Variants in CEP85L observed in about 807,000 individuals in gnomAD.
CEP85L encodes centrosomal protein of 85 kDa-like.
In CEP85L, 60 loss-of-function variants were observed where a neutral mutation model predicts 100.3. The observed-to-expected ratio is 0.60, with a 90% CI of 0.49 to 0.74. The LOEUF (loss-of-function observed/expected upper bound fraction) is 0.74, where lower values mean the gene tolerates loss of function less well. CEP85L is among the 30% of genes least tolerant of loss of function. The probability of loss-of-function intolerance (pLI) is 0.00; values close to 1 mark genes in which losing one functional copy is unlikely to be tolerated. For missense variants in CEP85L, 973 were observed against 936.2 expected (o/e 1.04, Z -0.51); for synonymous variants, 319 against 322.7 (o/e 0.99, Z 0.12).
At chr6:118,514,438 T>C (rs1776145213) in intron 4 of CEP85L, among the ~76,000 whole-genome samples, 1 of 147,766 alleles carries the variant, frequency 6.8e-6, no homozygotes. Context: ...GGCAGGAGAA[T>C]GGCTTGAACC....
At chr6:118,662,565 T>G (rs189911727) in intron 1 of CEP85L, among the ~76,000 whole-genome samples, 1 of 151,938 alleles carries the variant, frequency 6.6e-6, no homozygotes, top group Admixed American at 6.6e-5. Context: ...GTATGAGTTA[T>G]TATTATCTCC....
At chr6:118,702,944 C>T (rs1286891319) in intron 1 of CEP85L, among the ~76,000 whole-genome samples, 1 of 146,428 alleles carries the variant, frequency 6.8e-6, no homozygotes, top group Non-Finnish European at 1.5e-5. Context: ...TGCAGTGAGC[C>T]GAGATGGCTC....
intron 1 of CEP85L, among the ~76,000 whole-genome samples, chr6:118,692,197 A>G (rs1017891497): frequency 1.3e-5 from 2 of 152,178 alleles, no homozygotes; most frequent in South Asian, 2.1e-4. Context: ...GAGCCCTGCA[A>G]TGGGTTAAAA....
At chr6:118,674,572 C>T (rs1262191473) in intron 1 of CEP85L, among the ~76,000 whole-genome samples, 1 of 150,742 alleles carries the variant, frequency 6.6e-6, no homozygotes, top group African/African-American at 2.4e-5. Flanking sequence ...AAAATATTTG[C>T]AAATCAAATA....
chr6:118,514,524 CAAAAAAAAA>C (rs561316113), intron 4 of CEP85L, among the ~76,000 whole-genome samples: 15 of 87,526 alleles, frequency 1.7e-4, no homozygotes, highest in African/African-American at 5.3e-4. Context: ...GACACTGTCT[CAAAAAAAAA>C]AAAAAAAAAA....
intron 2 of CEP85L, among the ~76,000 whole-genome samples, chr6:118,608,797 T>C (rs377467876): frequency 3.6e-4 from 55 of 152,348 alleles, no homozygotes; most frequent in Admixed American, 6.5e-4. Context: ...TTTTGCCAAA[T>C]AGTGGAACAG....
chr6:118,590,798 C>T lies in CEP85L; in HGVS notation c.233-24482G>A, dbSNP rs1781145324. Among the ~76,000 whole-genome samples the T allele has an allele frequency of 2.0e-5, 3 of 152,136 alleles. No individual in the cohort carries two copies. In the South Asian group the frequency reaches 6.2e-4, roughly 32 times the overall value. ...TAGAACATCACTACCCTCCTCTCTC[C>T]CCAGATGTGACTACTGAGGCCAGTT... On this transcript the variant is annotated intron_variant, in intron 2 of 12. Transcript: ENST00000368491.
At chr6:118,707,709 G>A (rs543894047) in intron 1 of CEP85L, among the ~76,000 whole-genome samples, 52 of 152,198 alleles carry the variant, frequency 3.4e-4, no homozygotes, top group Non-Finnish European at 6.5e-4. Flanking sequence ...AGGTATAGGA[G>A]TTTTATACTT....
intron 5 of CEP85L, among the ~76,000 whole-genome samples, chr6:118,495,513 G>T (rs1331526996): frequency 6.6e-6 from 1 of 152,140 alleles, no homozygotes; most frequent in East Asian, 1.9e-4. Flanking sequence ...ATATGAAGAA[G>T]GATGTGTTTG....
At chr6:118,679,288 C>T (rs1583252561) in intron 1 of CEP85L, among the ~76,000 whole-genome samples, 1 of 151,978 alleles carries the variant, frequency 6.6e-6, no homozygotes, top group South Asian at 2.1e-4. Context: ...TTCTTAGCAC[C>T]TAAAGAGACC....
intron 6 of CEP85L, among the ~76,000 whole-genome samples, chr6:118,486,063 A>G (rs1445301695): frequency 1.3e-5 from 2 of 152,102 alleles, no homozygotes; most frequent in Non-Finnish European, 2.9e-5. Context: ...ATTGCTGCCA[A>G]CACTCTCCTA....
upstream of CEP85L, chr6:118,652,516 C>A: frequency 7.3e-7 from 1 of 1,378,114 alleles, no homozygotes; most frequent in Non-Finnish European, 9.4e-7. Flanking sequence ...GCCCATCACT[C>A]AGAGGTAAGT....
chr6:118,697,566 T>C (rs1294821936), intron 1 of CEP85L, among the ~76,000 whole-genome samples: 3 of 152,220 alleles, frequency 2.0e-5, no homozygotes, highest in African/African-American at 7.2e-5. Context: ...CTTTTAGTGA[T>C]GCCAGCTTAC....
chr6:118,572,187 T>G (rs1779931589), intron 2 of CEP85L, among the ~76,000 whole-genome samples: 2 of 151,258 alleles, frequency 1.3e-5, no homozygotes, highest in Middle Eastern at 3.4e-3. Context: ...CACAATGAGT[T>G]TTTTTTCCCT....
At chr6:118,630,292 C>T (rs182433628) in intron 2 of CEP85L, among the ~76,000 whole-genome samples, 185 of 152,292 alleles carry the variant, frequency 1.2e-3, no homozygotes, top group African/African-American at 4.3e-3. Context: ...TAAACCCTCA[C>T]CTTACTGGAC....
At chr6:118,540,206 T>C (rs1355855403) in intron 3 of CEP85L, among the ~76,000 whole-genome samples, 1 of 152,122 alleles carries the variant, frequency 6.6e-6, no homozygotes, top group African/African-American at 2.4e-5. Context: ...ACAGGTACTG[T>C]AATTAGCATA....
chr6:118,700,316 CTGTATTCTTACAAAAA>C (rs1777367801), intron 1 of CEP85L, among the ~76,000 whole-genome samples: 1 of 152,226 alleles, frequency 6.6e-6, no homozygotes, highest in Non-Finnish European at 1.5e-5. Context: ...CTTCCTTCAC[CTGTATTCTTACAAAAA>C]TGTCTAGCAT....
chr6:118,525,986 C>A (rs2114798551), intron 3 of CEP85L, among the ~76,000 whole-genome samples: 1 of 152,272 alleles, frequency 6.6e-6, no homozygotes, highest in East Asian at 1.9e-4. Flanking sequence ...TTTGAGATGA[C>A]TGTCAAGTAA....
At chr6:118,491,049 G>C (rs1774519568) in intron 6 of CEP85L, among the ~76,000 whole-genome samples, 1 of 152,076 alleles carries the variant, frequency 6.6e-6, no homozygotes. Context: ...CCTAGTAGTG[G>C]GACTGCTGGA....
Sources: allele counts gnomAD v4.1 joint callset (sites outside exome capture counted in the v4.1 genomes callset), GRCh38; gene constraint gnomAD v4.1.1; transcripts MANE v1.5; gene names NCBI Gene and HGNC (gene_info 2026-07-23, HGNC 2026-07-21).